SLCO1B1: variants seen among roughly 807,000 people sequenced by gnomAD.
SLCO1B1 encodes OATP-2.
SLCO1B1 carries 81 observed loss-of-function variants against 70.1 expected under a neutral mutation model. That is an observed-to-expected ratio of 1.16 (90% CI 0.97 to 1.39). The LOEUF is 1.39. Among genes scored for constraint, SLCO1B1 ranks in the 40% most tolerant of loss-of-function variants. The probability of loss-of-function intolerance (pLI) is 0.00; values close to 1 mark genes in which losing one functional copy is unlikely to be tolerated. For missense variants in SLCO1B1, 895 were observed against 799.6 expected (o/e 1.12, Z -1.44); for synonymous variants, 283 against 271.5 (o/e 1.04, Z -0.42).
At chr12:21,142,001 G>A (rs1300581977) in intron 2 of SLCO1B1, among the ~76,000 whole-genome samples, 1 of 150,764 alleles carries the variant, frequency 6.6e-6, no homozygotes, top group East Asian at 1.9e-4. Context: ...TCTTAGAATT[G>A]ACTTATAAAC....
intron 2 of SLCO1B1, among the ~76,000 whole-genome samples, chr12:21,165,170 G>A (rs1028726293): frequency 2.0e-5 from 3 of 152,088 alleles, no homozygotes; most frequent in Non-Finnish European, 4.4e-5. Flanking sequence ...ATTAATGACC[G>A]ATCTGCCATG....
intron 11 of SLCO1B1, among the ~76,000 whole-genome samples, chr12:21,212,965 C>G (rs530354057): frequency 2.1e-4 from 32 of 151,922 alleles, no homozygotes; most frequent in African/African-American, 7.0e-4. Flanking sequence ...TGTCTCTGCA[C>G]GTGAGATGGG....
chr12:21,239,285 T>A lies in SLCO1B1; in HGVS notation c.*96T>A. On this transcript the variant is annotated 3_prime_UTR_variant, in exon 15 of 15. Transcript: ENST00000256958. ...TTTGAGGAGTTCCTGGTCCTTTCAC[T>A]AAGAATTTCCACATCTTTTATGGTG... is the stretch of plus-strand genomic sequence containing the variant. 2.3e-6 allele frequency: 2 copies of A among 879,034 alleles called. No homozygotes were observed. The highest frequency in any genetic ancestry group is 3.9e-6 in the Non-Finnish European group (2 of 518,640). 54.5% of individuals were successfully genotyped at this position (879,034 alleles called of 1,614,324 possible).
chr12:21,140,953 T>C (rs372722232), intron 1 of SLCO1B1, among the ~76,000 whole-genome samples: 27 of 152,078 alleles, frequency 1.8e-4, no homozygotes, highest in African/African-American at 5.3e-4. Context: ...CCAGAGTTGC[T>C]CTGAGAAGTA....
At chr12:21,160,705 A>G (rs565718829) in intron 2 of SLCO1B1, among the ~76,000 whole-genome samples, 1 of 152,302 alleles carries the variant, frequency 6.6e-6, no homozygotes, top group Admixed American at 6.5e-5. Context: ...AGAAAAAGAA[A>G]CTGTCAACAG....
chr12:21,215,682 G>T (rs1429315654), intron 11 of SLCO1B1, among the ~76,000 whole-genome samples: 4 of 152,030 alleles, frequency 2.6e-5, no homozygotes, highest in African/African-American at 9.7e-5. Flanking sequence ...TGTTGTTTTT[G>T]TGTCTTGCTA....
chr12:21,215,522 A>C (rs1038996019), intron 11 of SLCO1B1, among the ~76,000 whole-genome samples: 1 of 152,198 alleles, frequency 6.6e-6, no homozygotes, highest in Non-Finnish European at 1.5e-5. Context: ...TCTCAAAAAT[A>C]AAGCCTACTT....
At position 21,141,513 on chromosome 12, in the gene SLCO1B1, G is replaced by A. The variant is rs1940307098; in HGVS notation, c.-61-1G>A. The A allele has an allele frequency of 1.1e-6, 1 of 941,880 alleles. No individual in the cohort carries two copies. The highest frequency in any genetic ancestry group is 1.6e-5 in the African/African-American group (1 of 61,876). The allele number at this position is 941,880 out of a possible 1,614,324, so 58.3% of individuals were successfully genotyped here. ...AAACTATACTTTTTCTTCCTTAATA[G>A]GTGATTGTTTCAAACTGAGCATCAA... On this transcript the variant is annotated splice_acceptor_variant, in intron 1 of 14. Coordinates refer to ENST00000256958, the MANE Select transcript of SLCO1B1 (RefSeq NM_006446.5). LOFTEE classifies it low-confidence loss of function (5UTR_SPLICE).
At chr12:21,223,318 C>G (rs1447810516) in intron 13 of SLCO1B1, among the ~76,000 whole-genome samples, 1 of 152,050 alleles carries the variant, frequency 6.6e-6, no homozygotes, top group Admixed American at 6.6e-5. Context: ...AATTCATAAA[C>G]AATTGTCTTG....
chr12:21,222,195 G>C (rs1486649295), intron 12 of SLCO1B1, 105 bp from the exon 13 acceptor site: 1 of 420,454 alleles, frequency 2.4e-6, no homozygotes, highest in Admixed American at 3.1e-5. Context: ...TCAACTGTGA[G>C]CTTAATTCTA....
intron 9 of SLCO1B1, among the ~76,000 whole-genome samples, chr12:21,201,230 A>C (rs933702509): frequency 6.6e-5 from 10 of 152,128 alleles, no homozygotes; most frequent in African/African-American, 2.4e-4. Flanking sequence ...AGTATTGTAG[A>C]CACATTATAG....
At chr12:21,166,424 G>C (rs951286935) in intron 2 of SLCO1B1, among the ~76,000 whole-genome samples, 1 of 152,010 alleles carries the variant, frequency 6.6e-6, no homozygotes, top group Non-Finnish European at 1.5e-5. Flanking sequence ...AGTATGCAAA[G>C]AACATCTAAA....
At chr12:21,188,731 G>A (rs984244538) in intron 7 of SLCO1B1, among the ~76,000 whole-genome samples, 7 of 151,994 alleles carry the variant, frequency 4.6e-5, no homozygotes, top group Non-Finnish European at 2.9e-5. Context: ...CTGCAGAACT[G>A]CATAACTGAA....
intron 11 of SLCO1B1, among the ~76,000 whole-genome samples, chr12:21,215,194 T>C (rs1014665650): frequency 2.6e-5 from 4 of 152,188 alleles, no homozygotes; most frequent in African/African-American, 9.7e-5. Context: ...GATTGATCTG[T>C]CTAGGATTTC....
At chr12:21,154,145 T>C (rs2121065064) in intron 2 of SLCO1B1, among the ~76,000 whole-genome samples, 1 of 152,220 alleles carries the variant, frequency 6.6e-6, no homozygotes, top group East Asian at 1.9e-4. Context: ...TGTATATGCC[T>C]ATCTCTCTCA....
At chr12:21,152,578 G>GT (rs1469067906) in intron 2 of SLCO1B1, among the ~76,000 whole-genome samples, 1 of 89,918 alleles carries the variant, frequency 1.1e-5, no homozygotes, top group East Asian at 3.5e-4. Context: ...CTTCACAAGT[G>GT]TTTTTTTAGT....
intron 2 of SLCO1B1, among the ~76,000 whole-genome samples, chr12:21,169,500 G>A (rs529663180): frequency 1.8e-4 from 27 of 151,948 alleles, no homozygotes; most frequent in Non-Finnish European, 3.2e-4. Context: ...CAAGTTACCT[G>A]TTGAGTCTTT....
chr12:21,211,694 AC>A (rs200163333), intron 11 of SLCO1B1, among the ~76,000 whole-genome samples: 2,490 of 151,618 alleles, frequency 0.016, 62 homozygotes, highest in African/African-American at 0.057. Context: ...CTGGTCCTGG[AC>A]TCTTTTTGGT....
intron 1 of SLCO1B1, among the ~76,000 whole-genome samples, chr12:21,134,763 G>C (rs561745979): frequency 1.4e-4 from 21 of 151,988 alleles, no homozygotes; most frequent in Non-Finnish European, 2.5e-4. Flanking sequence ...TATCAATTTT[G>C]TTGATGCTTT....
Sources: gnomAD v4.1 joint callset for allele counts (sites outside exome capture counted in the v4.1 genomes callset) on GRCh38, gnomAD v4.1.1 for gene constraint, MANE v1.5 for transcripts, NCBI Gene and HGNC (gene_info 2026-07-23, HGNC 2026-07-21) for gene names.